The following ZBTB42 variants were observed in gnomAD, a reference collection of about 807,000 sequenced individuals.
ZBTB42 encodes the protein zinc finger and BTB domain containing 42, also known as zinc finger and BTB domain-containing protein 42.
A neutral mutation model predicts 4.7 loss-of-function variants in ZBTB42; 3 were observed. That is an observed-to-expected ratio of 0.64 (90% CI 0.29 to 1.66). ZBTB42 has a LOEUF of 1.66. ZBTB42 is among the 40% of genes most tolerant of loss of function. ZBTB42 has a pLI of 0.10. For synonymous variants in ZBTB42, 255 were observed against 259.5 expected, an observed-to-expected ratio of 0.98 and a Z score of 0.17; for missense variants, 521 against 577.1, an observed-to-expected ratio of 0.90 and a Z score of 1.00.
In ZBTB42 at chr14:104,803,581, G is replaced by A. The variant is rs1894103381; in HGVS notation, c.*1115G>A. 6.0e-6 allele frequency: 1 copy of A among 166,936 alleles called. No homozygotes were observed. The highest frequency in any genetic ancestry group is 1.5e-5 in the Non-Finnish European group (1 of 68,168). 10.3% of individuals were successfully genotyped at this position (166,936 alleles called of 1,614,324 possible). ...AGTGGCCATGGCGGCAGGGTTAGGG[G>A]CAGGTGAGGAGTGGGAGTCGCAGCA... On this transcript the variant is annotated 3_prime_UTR_variant, in exon 1 of 1. Transcript: ENST00000342537.
rs1032823773 is a variant in ZBTB42, at chr14:104,801,712, C to T, written c.515C>T (p.Ala172Val). The change falls in exon 1 of 1, where the codon GCA (alanine) becomes GTA (valine). Residue 172 changes from alanine (A) to valine (V), a missense_variant. Transcript: ENST00000342537. The surrounding 1 kb of genome is among the most constrained non-coding windows in gnomAD (Gnocchi z 4.4). ...FGVKAALPPR[A>V]SGPPPCQVPE... Reference sequence around the variant, plus strand: ...GTCAAGGCTGCCCTCCCTCCTCGAGCATCTGGGCCTCCTCCCTGCCAGGTC... The same window carrying T: ...GTCAAGGCTGCCCTCCCTCCTCGAGTATCTGGGCCTCCTCCCTGCCAGGTC... 9 of 1,550,208 alleles carry T rather than the reference C, an allele frequency of 5.8e-6. No individual in the cohort carries two copies. The highest frequency in any genetic ancestry group is 7.8e-6 in the Non-Finnish European group (9 of 1,146,920).
chr14:104,802,612 C>T lies in ZBTB42; in HGVS notation c.*146C>T, dbSNP rs549019899. The T allele has an allele frequency of 2.8e-4, 349 of 1,248,114 alleles. 1 individual carries two copies. In the East Asian group the frequency reaches 8.9e-3, roughly 32 times the overall value. The allele number at this position is 1,248,114 out of a possible 1,614,324, so 77.3% of individuals were successfully genotyped here. A position where few individuals can be genotyped will look rare whatever the true frequency, so the allele number is the denominator to read the frequency against. ...ACCCTCCTGGCAGAGAGAATGCTGC[C>T]TCTTCCTGGAACTTGGCCTCAGACT... On this transcript the variant is annotated 3_prime_UTR_variant, in exon 1 of 1. Transcript: ENST00000342537. The surrounding 1 kb of genome is among the most constrained non-coding windows in gnomAD (Gnocchi z 5.9).
rs772042151 is a variant in ZBTB42 at position 104,802,334 on chromosome 14, G to A, written c.1137G>A (p.Arg379=). The A allele has an allele frequency of 1.1e-5, 17 of 1,550,352 alleles. No individual in the cohort carries two copies. The South Asian group carries it at 2.0e-4, about 18-fold the overall frequency. ...KSFQYSHNLS[R]HTVVHTREKP... is the part of the protein sequence containing the mutation. ...TTCAGTACTCCCACAACCTGAGCCG[G>A]CACACCGTAGTGCACACTCGAGAGA... is the stretch of plus-strand genomic sequence containing the variant. Residue 379 remains arginine, a synonymous_variant, in exon 1 of 1, where the codon CGG becomes CGA. Coordinates refer to ENST00000342537, the MANE Select transcript of ZBTB42 (RefSeq NM_001137601.3). This position sits in a 1 kb window ranked among gnomAD's most constrained non-coding sequence, Gnocchi z 5.9.
Position 104,802,341 on chromosome 14 carries a change from G to T in ZBTB42, c.1144G>T (p.Val382Leu). Residue 382 changes from valine (V) to leucine (L), a missense_variant, in exon 1 of 1, where the codon GTA becomes TTA. Physicochemically the swap from Val to Leu is conservative, Grantham distance 32. Transcript: ENST00000342537. This position sits in a 1 kb window ranked among gnomAD's most constrained non-coding sequence, Gnocchi z 5.9. ...CTCCCACAACCTGAGCCGGCACACC[G>T]TAGTGCACACTCGAGAGAAGCCGCA... The part of the protein sequence containing the change: ...QYSHNLSRHT[V>L]VHTREKPHAC... The T allele has an allele frequency of 6.4e-7, 1 of 1,550,464 alleles. No individual in the cohort carries two copies. The highest frequency in any genetic ancestry group is 8.7e-7 in the Non-Finnish European group (1 of 1,146,990).
Position 104,801,583 on chromosome 14 carries a change from A to G in ZBTB42, c.386A>G (p.Asn129Ser). 2 of 1,549,066 alleles carry G rather than the reference A, an allele frequency of 1.3e-6. No individual in the cohort carries two copies. The highest frequency in any genetic ancestry group is 2.4e-5 in the East Asian group (1 of 40,856). Reference protein sequence around the residue: ...QEKDRSLDPGNPAPGAEPAQP... With the variant: ...QEKDRSLDPGSPAPGAEPAQP... ...AAGGATCGAAGTCTGGACCCGGGGAACCCTGCCCCTGGGGCAGAACCTGCT... is the reference window on the plus strand; with the variant it reads ...AAGGATCGAAGTCTGGACCCGGGGAGCCCTGCCCCTGGGGCAGAACCTGCT... Residue 129 changes from asparagine (N) to serine (S), a missense_variant, in exon 1 of 1, where the codon AAC becomes AGC. Physicochemically the swap from Asn to Ser is conservative, Grantham distance 46. Transcript: ENST00000342537. The surrounding 1 kb of genome is among the most constrained non-coding windows in gnomAD (Gnocchi z 4.4).
Position 104,801,312 on chromosome 14 carries a change from C to G in ZBTB42, c.115C>G (p.Arg39Gly). The G allele has an allele frequency of 6.5e-7, 1 of 1,546,982 alleles. No individual in the cohort carries two copies. Among genetic ancestry groups the G allele is most frequent in the Non-Finnish European group, 8.7e-7 (1 of 1,146,072 alleles). Residue 39 changes from arginine (R) to glycine (G), a missense_variant, in exon 1 of 1, where the codon CGT becomes GGT. Coordinates refer to ENST00000342537, the MANE Select transcript of ZBTB42 (RefSeq NM_001137601.3). The surrounding 1 kb of genome is among the most constrained non-coding windows in gnomAD (Gnocchi z 4.4). ...LVGDARFPAH[R>G]AVLAACSVYF... is the part of the protein sequence containing the mutation. ...GGGCGACGCGCGCTTCCCGGCCCACCGTGCCGTGCTGGCCGCGTGCAGCGT... is the reference window on the plus strand; with the variant it reads ...GGGCGACGCGCGCTTCCCGGCCCACGGTGCCGTGCTGGCCGCGTGCAGCGT...
chr14:104,800,670 G>C (rs985331660), upstream of ZBTB42: 1 of 146,304 alleles, frequency 6.8e-6, no homozygotes, highest in Non-Finnish European at 1.5e-5. This position sits in a 1 kb window ranked among gnomAD's most constrained non-coding sequence, Gnocchi z 5.3. Context: ...GCGCGCGAGC[G>C]GCGACCGGAG....
chr14:104,801,803 C>G lies in ZBTB42; in HGVS notation c.606C>G (p.His202Gln). 6.5e-7 allele frequency: 1 copy of G among 1,549,920 alleles called. No homozygotes were observed. Among genetic ancestry groups the G allele is most frequent in the Non-Finnish European group, 8.7e-7 (1 of 1,146,730 alleles). Reference sequence around the variant, plus strand: ...CTGGCCCAAGGCAGGAGCGGGTCCACCCACCGTGCGTCCTCCAGACACCCC... The same window carrying G: ...CTGGCCCAAGGCAGGAGCGGGTCCAGCCACCGTGCGTCCTCCAGACACCCC... ...LKSGPRQERV[H>Q]PPCVLQTPLC... is the part of the protein sequence containing the mutation. The change falls in exon 1 of 1, where the codon CAC (histidine) becomes CAG (glutamine). Residue 202 changes from histidine to glutamine, a missense_variant. His to Gln is a conservative substitution (Grantham distance 24). Coordinates refer to ENST00000342537, the MANE Select transcript of ZBTB42 (RefSeq NM_001137601.3). This position sits in a 1 kb window ranked among gnomAD's most constrained non-coding sequence, Gnocchi z 4.4.
chr14:104,802,101 C>T lies in ZBTB42; in HGVS notation c.904C>T (p.Leu302=). The change falls in exon 1 of 1, where the codon CTG becomes TTG. Residue 302 remains leucine (L), a synonymous_variant. Transcript: ENST00000342537. The surrounding 1 kb of genome is among the most constrained non-coding windows in gnomAD (Gnocchi z 5.9). ...CTGCATCTGCCCGTTGTGCAGCAAG[C>T]TGTTTCCCAGCTCCCACGTGCTGCA... ...PLCICPLCSK[L]FPSSHVLQLH... 6.6e-7 allele frequency: 1 copy of T among 1,523,788 alleles called. No homozygotes were observed. Among genetic ancestry groups the T allele is most frequent in the Non-Finnish European group, 8.8e-7 (1 of 1,135,516 alleles). 94.4% of individuals were successfully genotyped at this position (1,523,788 alleles called of 1,614,324 possible).
rs936662811 is a variant in ZBTB42, at chr14:104,802,279, C to T, written c.1082C>T (p.Pro361Leu). Residue 361 changes from proline to leucine, a missense_variant, in exon 1 of 1, where the codon CCC becomes CTC. By Grantham distance (98) the Pro-to-Leu change is moderately conservative. Transcript: ENST00000342537. This position sits in a 1 kb window ranked among gnomAD's most constrained non-coding sequence, Gnocchi z 5.9. ...GAGCGGACACACTCGGGTGAGAAGCCCTATACGTGTGTGCAGTGTGGCAAA... is the reference window on the plus strand; with the variant it reads ...GAGCGGACACACTCGGGTGAGAAGCTCTATACGTGTGTGCAGTGTGGCAAA... ...RHERTHSGEK[P>L]YTCVQCGKSF... 6.5e-7 allele frequency: 1 copy of T among 1,550,282 alleles called. No homozygotes were observed. Among genetic ancestry groups the T allele is most frequent in the Non-Finnish European group, 8.7e-7 (1 of 1,146,972 alleles).
rs889334614 is a variant in ZBTB42 at position 104,801,263 on chromosome 14, C to T, written c.66C>T (p.Phe22=). ...TGAGACAGCAGCGCGAGCTGGGCTT[C>T]CTATGCGACTGCACCGTGCTGGTGG... ...GRLRQQRELG[F]LCDCTVLVGD... The change falls in exon 1 of 1, where the codon TTC becomes TTT. Residue 22 remains phenylalanine, a synonymous_variant. Transcript: ENST00000342537. This position sits in a 1 kb window ranked among gnomAD's most constrained non-coding sequence, Gnocchi z 4.4. 5.3e-6 allele frequency: 8 copies of T among 1,516,540 alleles called. No homozygotes were observed. In the African/African-American group the frequency reaches 9.8e-5, roughly 19 times the overall value. 93.9% of individuals were successfully genotyped at this position (1,516,540 alleles called of 1,614,324 possible).
Position 104,804,365 on chromosome 14 carries a change from CT to C in ZBTB42, c.*1901del, listed in dbSNP as rs1458711330. On this transcript the variant is annotated 3_prime_UTR_variant, in exon 1 of 1. Coordinates refer to ENST00000342537, the MANE Select transcript of ZBTB42 (RefSeq NM_001137601.3). Reference sequence around the variant, plus strand: ...GAGCTATCAACACTGGATTTGTTGTCTTCTGCACAGCTACTGTGAAGATAAC... The same window carrying C: ...GAGCTATCAACACTGGATTTGTTGTCTCTGCACAGCTACTGTGAAGATAAC... 4 of 166,862 alleles carry C rather than the reference CT, an allele frequency of 2.4e-5. No homozygotes were observed. Among genetic ancestry groups the C allele is most frequent in the African/African-American group, 9.7e-5 (4 of 41,438 alleles). The allele number at this position is 166,862 out of a possible 1,614,324, so 10.3% of individuals were successfully genotyped here.
rs887880592 is a variant in ZBTB42 at position 104,801,616 on chromosome 14, C to T, written c.419C>T (p.Pro140Leu). 3.2e-6 allele frequency: 5 copies of T among 1,549,854 alleles called. No individual in the cohort carries two copies. The East Asian group carries it at 7.3e-5, about 23-fold the overall frequency. The change falls in exon 1 of 1, where the codon CCG (proline) becomes CTG (leucine). Residue 140 changes from proline to leucine, a missense_variant. Pro to Leu is a moderately conservative substitution (Grantham distance 98). Transcript: ENST00000342537. This position sits in a 1 kb window ranked among gnomAD's most constrained non-coding sequence, Gnocchi z 4.4. ...PAPGAEPAQPPCPWPVWTADL... is the reference protein window; with the variant it reads ...PAPGAEPAQPLCPWPVWTADL... ...CCTGGGGCAGAACCTGCTCAGCCACCGTGCCCCTGGCCTGTCTGGACCGCG... is the reference window on the plus strand; with the variant it reads ...CCTGGGGCAGAACCTGCTCAGCCACTGTGCCCCTGGCCTGTCTGGACCGCG...
At position 104,801,998 on chromosome 14, in the gene ZBTB42, C is replaced by G; in HGVS notation, c.801C>G (p.Ser267Arg). The change falls in exon 1 of 1, where the codon AGC (serine) becomes AGG (arginine). Residue 267 changes from serine to arginine, a missense_variant. By Grantham distance (110) the Ser-to-Arg change is moderately radical (BLOSUM62 -1). Transcript: ENST00000342537. This position sits in a 1 kb window ranked among gnomAD's most constrained non-coding sequence, Gnocchi z 4.4. ...TGGGCTTGCAGCCGCTGCCCCTCAG[C>G]GGAGAGGGCAGCCGGGAGCTGGAGC... ...LVVGLQPLPL[S>R]GEGSRELELG... 6.7e-7 allele frequency: 1 copy of G among 1,502,530 alleles called. No individual in the cohort carries two copies. The highest frequency in any genetic ancestry group is 8.9e-7 in the Non-Finnish European group (1 of 1,126,106). The allele number at this position is 1,502,530 out of a possible 1,614,324, so 93.1% of individuals were successfully genotyped here. A position where few individuals can be genotyped will look rare whatever the true frequency, so the allele number is the denominator to read the frequency against.
chr14:104,802,590 C>G lies in ZBTB42; in HGVS notation c.*124C>G. The G allele has an allele frequency of 7.3e-7, 1 of 1,369,994 alleles. No individual in the cohort carries two copies. The highest frequency in any genetic ancestry group is 9.8e-7 in the Non-Finnish European group (1 of 1,025,474). 84.9% of individuals were successfully genotyped at this position (1,369,994 alleles called of 1,614,324 possible). ...CCTGCTTGGGCCAGATGGCTCCACC[C>G]TCCTGGCAGAGAGAATGCTGCCTCT... On this transcript the variant is annotated 3_prime_UTR_variant, in exon 1 of 1. Transcript: ENST00000342537. This position sits in a 1 kb window ranked among gnomAD's most constrained non-coding sequence, Gnocchi z 5.9.
At chr14:104,801,026 C>G (rs1054549576), upstream of ZBTB42, 186 of 781,706 alleles carry the variant, frequency 2.4e-4, no homozygotes, top group Middle Eastern at 1.2e-3. This position sits in a 1 kb window ranked among gnomAD's most constrained non-coding sequence, Gnocchi z 4.4. Context: ...TACTTTCGAT[C>G]GAGTTTTTCC....
Position 104,803,442 on chromosome 14 carries a change from T to C in ZBTB42, c.*976T>C, listed in dbSNP as rs3803300. 140,004 of 167,116 alleles carry C rather than the reference T, an allele frequency of 0.84. 59,819 individuals carry two copies. Among genetic ancestry groups the C allele is most frequent in the Non-Finnish European group, 0.91 (62,257 of 68,414 alleles). The allele number at this position is 167,116 out of a possible 1,614,324, so 10.4% of individuals were successfully genotyped here. ...ACGGTCACTCTGCCTGCTAGGGGGT[T>C]TCCCTGGAGCTGTGGGCATTTCCGT... On this transcript the variant is annotated 3_prime_UTR_variant, in exon 1 of 1. Transcript: ENST00000342537.
In ZBTB42 at chr14:104,801,362, C is replaced by A. The variant is rs1282030192; in HGVS notation, c.165C>A (p.Asp55Glu). Reference sequence around the variant, plus strand: ...TCTACTTCCATCTCTTCTACAGGGACCGGCCCGCGGGCAGTCGCGACACGG... The same window carrying A: ...TCTACTTCCATCTCTTCTACAGGGAACGGCCCGCGGGCAGTCGCGACACGG... ...CSVYFHLFYR[D>E]RPAGSRDTVR... Residue 55 changes from aspartate (D) to glutamate (E), a missense_variant, in exon 1 of 1, where the codon GAC becomes GAA. Coordinates refer to ENST00000342537, the MANE Select transcript of ZBTB42 (RefSeq NM_001137601.3). The surrounding 1 kb of genome is among the most constrained non-coding windows in gnomAD (Gnocchi z 4.4). 22 of 1,547,466 alleles carry A rather than the reference C, an allele frequency of 1.4e-5. No homozygotes were observed. Among genetic ancestry groups the A allele is most frequent in the Non-Finnish European group, 1.7e-5 (20 of 1,145,584 alleles).
chr14:104,801,891 G>A lies in ZBTB42; in HGVS notation c.694G>A (p.Glu232Lys), dbSNP rs4983387. ...LVKDERDSLS[E>K]QEESSSSRSP... Reference sequence around the variant, plus strand: ...GAAGGACGAACGGGACTCACTGTCCGAACAGGAGGAGAGCAGCAGCTCTAG... The same window carrying A: ...GAAGGACGAACGGGACTCACTGTCCAAACAGGAGGAGAGCAGCAGCTCTAG... The change falls in exon 1 of 1, where the codon GAA (glutamate) becomes AAA (lysine). Residue 232 changes from glutamate (E) to lysine (K), a missense_variant. Glu to Lys is a moderately conservative substitution (Grantham distance 56, BLOSUM62 1). Coordinates refer to ENST00000342537, the MANE Select transcript of ZBTB42 (RefSeq NM_001137601.3). This position sits in a 1 kb window ranked among gnomAD's most constrained non-coding sequence, Gnocchi z 4.4. 1,308,605 of 1,548,540 alleles carry A rather than the reference G, an allele frequency of 0.85. 565,078 individuals are homozygous for A. Among genetic ancestry groups the A allele is most frequent in the Non-Finnish European group, 0.9 (1,029,776 of 1,146,832 alleles).
Sources: allele counts gnomAD v4.1 joint callset, GRCh38; gene constraint gnomAD v4.1.1; non-coding constraint Gnocchi (gnomAD v3.1); transcripts MANE v1.5; gene names NCBI Gene and HGNC (gene_info 2026-07-23, HGNC 2026-07-21).